The following IQANK1 variants were observed in gnomAD, a reference collection of about 807,000 sequenced individuals.
IQANK1 encodes the protein IQ motif and ankyrin repeat containing 1.
In IQANK1, 30 loss-of-function variants were observed where a neutral mutation model predicts 22.6. That is an observed-to-expected ratio of 1.33 (90% CI 0.99 to 1.80). IQANK1 has a LOEUF of 1.80. Among genes scored for constraint, IQANK1 ranks in the 40% most tolerant of loss-of-function variants. The pLI is 0.00. For synonymous variants in IQANK1, 122 were observed against 99.6 expected (o/e 1.23, Z -1.34); for missense variants, 275 against 235.2 (o/e 1.17, Z -1.11).
In IQANK1 at chr8:143,790,124, T is replaced by TG; in HGVS notation, c.1290-10dup. 1 of 1,232,094 alleles carries TG rather than the reference T, an allele frequency of 8.1e-7. No individual in the cohort carries two copies. The highest frequency in any genetic ancestry group is 4.1e-5 in the South Asian group (1 of 24,322). The allele number at this position is 1,232,094 out of a possible 1,614,324, so 76.3% of individuals were successfully genotyped here. ...GTTTGGACAGACAGCAGTGACCTGA[T>TG]GGGTGTCCCCAGGTGGCCTCTTGTT... On this transcript the variant is annotated splice_polypyrimidine_tract_variant and intron_variant, in intron 12 of 13. Transcript: ENST00000527139.
At chr8:143,769,136 C>T (rs548639805) in intron 3 of IQANK1, among the ~76,000 whole-genome samples, 1 of 151,880 alleles carries the variant, frequency 6.6e-6, no homozygotes, top group South Asian at 2.1e-4. Context: ...GATCATGGCT[C>T]ACTGCAGCAT....
At chr8:143,787,711 C>G (rs1554631541) in intron 7 of IQANK1, among the ~76,000 whole-genome samples, 2 of 152,188 alleles carry the variant, frequency 1.3e-5, no homozygotes, top group African/African-American at 4.8e-5. Context: ...CCACGAACCC[C>G]TTGCTCTGTG....
In IQANK1 at chr8:143,742,826, G is replaced by T. The variant is rs1486898457; in HGVS notation, c.175+2878G>T. On this transcript the variant is annotated intron_variant, in intron 3 of 13. Coordinates refer to ENST00000527139, the MANE Select transcript of IQANK1 (RefSeq NM_001381874.1). ...AGCCAGCAGCCCTGGGCCACACTGGGGATGGTCCCAAACATGGCCTGTGCT... is the reference window on the plus strand; with the variant it reads ...AGCCAGCAGCCCTGGGCCACACTGGTGATGGTCCCAAACATGGCCTGTGCT... 6 of 456,124 alleles carry T rather than the reference G, an allele frequency of 1.3e-5. No homozygotes were observed. The Admixed American group carries it at 1.4e-4, about 11-fold the overall frequency. 28.3% of individuals were successfully genotyped at this position (456,124 alleles called of 1,614,324 possible).
intron 3 of IQANK1, among the ~76,000 whole-genome samples, chr8:143,768,503 C>T (rs1031743979): frequency 1.3e-5 from 2 of 152,190 alleles, no homozygotes; most frequent in Non-Finnish European, 2.9e-5. Context: ...CTGAAACGTG[C>T]GCCGGCGGAC....
At chr8:143,757,338 T>C (rs528840106) in intron 3 of IQANK1, among the ~76,000 whole-genome samples, 6 of 151,276 alleles carry the variant, frequency 4.0e-5, no homozygotes, top group African/African-American at 1.5e-4. Context: ...AATGTGTCTT[T>C]CTTTTTTTTT....
intron 3 of IQANK1, among the ~76,000 whole-genome samples, chr8:143,763,517 C>T (rs1463304981): frequency 1.3e-5 from 2 of 152,144 alleles, no homozygotes; most frequent in Non-Finnish European, 2.9e-5. Context: ...GGGCGGGTCT[C>T]TCATGAATGG....
intron 3 of IQANK1, among the ~76,000 whole-genome samples, chr8:143,762,351 A>G (rs1819411624): frequency 6.6e-6 from 1 of 152,014 alleles, no homozygotes; most frequent in South Asian, 2.1e-4. Context: ...GGAAAAGAAA[A>G]GAAAAGAAAG....
At position 143,742,963 on chromosome 8, in the gene IQANK1, AT is replaced by A. The variant is rs376989688; in HGVS notation, c.175+3016del. On this transcript the variant is annotated intron_variant, in intron 3 of 13. Coordinates refer to ENST00000527139, the MANE Select transcript of IQANK1 (RefSeq NM_001381874.1). ...CAGTGTCCCGGCACAGCCTAGATCT[AT>A]GGACCCCTTCACCGGGTGCTTTATC... 210 of 456,064 alleles carry A rather than the reference AT, an allele frequency of 4.6e-4. 1 individual carries two copies. The highest frequency in any genetic ancestry group is 3.8e-3 in the African/African-American group (193 of 50,190). The allele number at this position is 456,064 out of a possible 1,614,324, so 28.3% of individuals were successfully genotyped here. A position where few individuals can be genotyped will look rare whatever the true frequency, so the allele number is the denominator to read the frequency against.
At chr8:143,736,748 G>T (rs1051662267) in intron 2 of IQANK1, among the ~76,000 whole-genome samples, 2 of 152,112 alleles carry the variant, frequency 1.3e-5, no homozygotes, top group Non-Finnish European at 2.9e-5. Flanking sequence ...CACCTGGGCT[G>T]GGTTTTCCTG....
chr8:143,760,755 G>A (rs1819380012), intron 3 of IQANK1, among the ~76,000 whole-genome samples: 1 of 152,230 alleles, frequency 6.6e-6, no homozygotes, highest in Admixed American at 6.5e-5. Flanking sequence ...AAAGTAACAA[G>A]AAGGACCCTG....
intron 7 of IQANK1, among the ~76,000 whole-genome samples, chr8:143,783,236 T>G (rs150443997): frequency 1.9e-3 from 291 of 152,320 alleles, no homozygotes; most frequent in African/African-American, 6.8e-3. Context: ...CACTGCCCCA[T>G]GCTCTCCCAG....
At chr8:143,757,339 CTTTT>C (rs781980396) in intron 3 of IQANK1, among the ~76,000 whole-genome samples, 4,596 of 143,296 alleles carry the variant, frequency 0.032, 89 homozygotes, top group African/African-American at 0.06. Flanking sequence ...ATGTGTCTTT[CTTTT>C]TTTTTTTTTT....
chr8:143,739,232 G>T (rs1471888249), intron 2 of IQANK1, among the ~76,000 whole-genome samples: 1 of 152,066 alleles, frequency 6.6e-6, no homozygotes, highest in African/African-American at 2.4e-5. Context: ...TGGGCTTCTT[G>T]TTGGGAGGGT....
intron 3 of IQANK1, chr8:143,742,703 A>AG (rs35658010): frequency 2.2e-6 from 1 of 455,930 alleles, no homozygotes. Flanking sequence ...GAAGCTCCAA[A>AG]GGGGGGCCTG....
chr8:143,767,631 G>T (rs1819502155), intron 3 of IQANK1, among the ~76,000 whole-genome samples: 2 of 151,902 alleles, frequency 1.3e-5, no homozygotes, highest in Admixed American at 6.6e-5. Flanking sequence ...GTTTTTCCAG[G>T]ATGCCATATT....
chr8:143,748,693 C>CT (rs1248668261), intron 3 of IQANK1, among the ~76,000 whole-genome samples: 15 of 109,580 alleles, frequency 1.4e-4, no homozygotes, highest in African/African-American at 5.8e-4. Context: ...TCATATATAT[C>CT]ATATATAAAT....
intron 2 of IQANK1, among the ~76,000 whole-genome samples, chr8:143,737,619 C>T (rs1272410961): frequency 6.6e-6 from 1 of 152,168 alleles, no homozygotes; most frequent in African/African-American, 2.4e-5. Flanking sequence ...AGTCCGGGAC[C>T]CCTCCCGCCA....
At chr8:143,737,217 C>T (rs549401545) in intron 2 of IQANK1, among the ~76,000 whole-genome samples, 9 of 152,346 alleles carry the variant, frequency 5.9e-5, no homozygotes, top group Admixed American at 1.3e-4. Context: ...GGGGGCAGGG[C>T]AGGTGGACCA....
intron 3 of IQANK1, among the ~76,000 whole-genome samples, chr8:143,762,333 G>T (rs1253215745): frequency 6.6e-6 from 1 of 150,594 alleles, no homozygotes; most frequent in Non-Finnish European, 1.5e-5. Flanking sequence ...AGGAAGGGAG[G>T]GAGGGAGGGA....
Sources: gnomAD v4.1 joint callset for allele counts (sites outside exome capture counted in the v4.1 genomes callset) on GRCh38, gnomAD v4.1.1 for gene constraint, MANE v1.5 for transcripts, NCBI Gene and HGNC (gene_info 2026-07-23, HGNC 2026-07-21) for gene names.